GRID1: variants seen among roughly 807,000 people sequenced by gnomAD.
The protein encoded by GRID1 is glutamate receptor ionotropic, delta-1.
Under a neutral mutation model 98.0 loss-of-function variants are expected in GRID1, and 28 were observed. The observed-to-expected ratio is 0.29, with a 90% CI of 0.21 to 0.39. GRID1 has a LOEUF of 0.39. GRID1 is among the 10% of genes least tolerant of loss of function. The pLI is 1.00. For synonymous variants in GRID1, 553 were observed against 538.5 expected (o/e 1.03, Z -0.37); for missense variants, 1,111 against 1,340.5 (o/e 0.83, Z 2.67).
At chr10:85,772,581 C>T (rs11528008) in intron 8 of GRID1, among the ~76,000 whole-genome samples, 8,003 of 152,020 alleles carry the variant, frequency 0.053, 359 homozygotes, top group African/African-American at 0.12. Context: ...GCTAGCAAGA[C>T]TAATAAAGAA....
intron 2 of GRID1, among the ~76,000 whole-genome samples, chr10:86,230,667 G>A (rs1356903735): frequency 1.3e-5 from 2 of 152,280 alleles, no homozygotes; most frequent in East Asian, 3.9e-4. Context: ...TTTCCTCTAT[G>A]TGCATAAGTC....
intron 2 of GRID1, among the ~76,000 whole-genome samples, chr10:86,246,337 G>A (rs1846725846): frequency 6.6e-6 from 1 of 152,218 alleles, no homozygotes; most frequent in South Asian, 2.1e-4. Flanking sequence ...GCCCTGTGTG[G>A]ACACTTCTCG....
At chr10:86,023,615 G>T (rs950057605) in intron 4 of GRID1, among the ~76,000 whole-genome samples, 1 of 151,794 alleles carries the variant, frequency 6.6e-6, no homozygotes, top group Non-Finnish European at 1.5e-5. Flanking sequence ...CACATAAACC[G>T]CACCAACACT....
chr10:86,355,212 G>A (rs1274191507), intron 2 of GRID1, among the ~76,000 whole-genome samples: 1 of 152,240 alleles, frequency 6.6e-6, no homozygotes, highest in Admixed American at 6.5e-5. Flanking sequence ...CCCAGAGTCA[G>A]AAAGCAGAGC....
intron 8 of GRID1, among the ~76,000 whole-genome samples, chr10:85,817,038 A>AT (rs977923791): frequency 6.6e-6 from 1 of 152,080 alleles, no homozygotes; most frequent in Non-Finnish European, 1.5e-5. Flanking sequence ...TGATCTCATT[A>AT]TTTTTTATGG....
At chr10:86,250,187 C>T (rs1846798707) in intron 2 of GRID1, among the ~76,000 whole-genome samples, 1 of 152,116 alleles carries the variant, frequency 6.6e-6, no homozygotes, top group African/African-American at 2.4e-5. Context: ...CTTCCAGTGG[C>T]CAAAATCTCC....
intron 10 of GRID1, among the ~76,000 whole-genome samples, chr10:85,726,722 T>G (rs1016959119): frequency 1.2e-4 from 18 of 152,128 alleles, no homozygotes; most frequent in African/African-American, 4.3e-4. Flanking sequence ...AGCAACTCTA[T>G]ATAAGATAGA....
intron 4 of GRID1, among the ~76,000 whole-genome samples, chr10:85,934,686 T>C (rs1191195095): frequency 6.6e-6 from 1 of 152,214 alleles, no homozygotes. Context: ...TACCTATGTC[T>C]TTTAGAGCAG....
intron 4 of GRID1, among the ~76,000 whole-genome samples, chr10:86,112,243 G>A (rs371685764): frequency 6.6e-6 from 1 of 152,152 alleles, no homozygotes; most frequent in Non-Finnish European, 1.5e-5. Context: ...GATTCCTCAC[G>A]CCACATCTGC....
At chr10:85,886,903 T>C (rs1420905162) in intron 5 of GRID1, among the ~76,000 whole-genome samples, 1 of 152,258 alleles carries the variant, frequency 6.6e-6, no homozygotes, top group Non-Finnish European at 1.5e-5. Flanking sequence ...TACAGGGCTA[T>C]GCAATCACAT....
At chr10:85,833,391 C>G (rs1260521963) in intron 8 of GRID1, among the ~76,000 whole-genome samples, 2 of 152,124 alleles carry the variant, frequency 1.3e-5, no homozygotes, top group Admixed American at 1.3e-4. Context: ...CCCAACAGCA[C>G]CAGATAAACT....
chr10:86,115,951 CA>C (rs1421141369), intron 4 of GRID1, among the ~76,000 whole-genome samples: 5 of 152,272 alleles, frequency 3.3e-5, no homozygotes, highest in African/African-American at 1.2e-4. Context: ...ATTAGATATA[CA>C]AATACCACCG....
intron 5 of GRID1, among the ~76,000 whole-genome samples, chr10:85,880,313 C>A (rs1468598308): frequency 1.3e-5 from 2 of 151,990 alleles, no homozygotes; most frequent in Non-Finnish European, 2.9e-5. Flanking sequence ...GGCAGAGACA[C>A]AACCAAAAAA....
intron 4 of GRID1, among the ~76,000 whole-genome samples, chr10:85,954,869 G>A (rs529552644): frequency 2.6e-5 from 4 of 152,134 alleles, no homozygotes; most frequent in South Asian, 2.1e-4. Context: ...AGTTCCCCAC[G>A]GTGTTGTGAA....
intron 5 of GRID1, among the ~76,000 whole-genome samples, chr10:85,880,549 A>C (rs1035254518): frequency 6.6e-6 from 1 of 152,102 alleles, no homozygotes; most frequent in African/African-American, 2.4e-5. Flanking sequence ...AGATGCAGAA[A>C]AGGCCTTTGA....
At position 86,192,358 on chromosome 10, in the gene GRID1, AAAGG is replaced by A. The variant is rs1845814063; in HGVS notation, c.520+14002_520+14005del. 6.6e-6 allele frequency among the ~76,000 whole-genome samples: 1 copy of A among 152,232 alleles called. No homozygotes were observed. Among genetic ancestry groups the A allele is most frequent in the African/African-American group, 2.4e-5 (1 of 41,458 alleles). ...ACAATGGAATATTACTCAGCCTGAA[AAAGG>A]AAGGACGTTCTGATGCATGCCACAG... On this transcript the variant is annotated intron_variant, in intron 3 of 15. Coordinates refer to ENST00000327946, the MANE Select transcript of GRID1 (RefSeq NM_017551.3). The surrounding 1 kb of genome is among the most constrained non-coding windows in gnomAD (Gnocchi z 4.8).
At chr10:86,031,789 T>C (rs944412101) in intron 4 of GRID1, among the ~76,000 whole-genome samples, 6 of 152,224 alleles carry the variant, frequency 3.9e-5, no homozygotes, top group African/African-American at 1.4e-4. Context: ...TTTGTACTTT[T>C]GTAATTTCTT....
chr10:86,132,740 A>G (rs1844856513), intron 4 of GRID1, among the ~76,000 whole-genome samples: 1 of 152,246 alleles, frequency 6.6e-6, no homozygotes, highest in Non-Finnish European at 1.5e-5. Flanking sequence ...CACAGTCTTT[A>G]TATTCAAATT....
chr10:86,224,561 C>T (rs1240999621), intron 2 of GRID1, among the ~76,000 whole-genome samples: 2 of 152,118 alleles, frequency 1.3e-5, no homozygotes, highest in Non-Finnish European at 1.5e-5. Context: ...ATAGGGGAGA[C>T]GCACTCTACT....
Sources: allele counts gnomAD v4.1 joint callset (sites outside exome capture counted in the v4.1 genomes callset), GRCh38; gene constraint gnomAD v4.1.1; non-coding constraint Gnocchi (gnomAD v3.1); transcripts MANE v1.5; gene names NCBI Gene and HGNC (gene_info 2026-07-23, HGNC 2026-07-21).